The following RNF144A variants were observed in gnomAD, a reference collection of about 807,000 sequenced individuals.
RNF144A encodes the protein ring finger protein 144A.
RNF144A carries 11 observed loss-of-function variants against 38.7 expected under a neutral mutation model. The observed-to-expected ratio is 0.28, with a 90% confidence interval of 0.18 to 0.47. The LOEUF (loss-of-function observed/expected upper bound fraction) is 0.47. Among genes scored for constraint, RNF144A ranks in the 20% least tolerant of loss-of-function variants. RNF144A has a pLI of 0.99. For synonymous variants in RNF144A, 149 were observed against 143.9 expected (o/e 1.04, Z -0.25); for missense variants, 316 against 377.2 (o/e 0.84, Z 1.34).
chr2:6,938,639 T>C (rs569888965), intron 1 of RNF144A, among the ~76,000 whole-genome samples: 1 of 152,300 alleles, frequency 6.6e-6, no homozygotes, highest in East Asian at 1.9e-4. Flanking sequence ...TGGTTTTTAG[T>C]ATAGTCACAG....
At chr2:6,984,286 C>A (rs538134765) in intron 2 of RNF144A, among the ~76,000 whole-genome samples, 4 of 152,078 alleles carry the variant, frequency 2.6e-5, no homozygotes, top group Non-Finnish European at 5.9e-5. Context: ...CTGCCTGGAA[C>A]CAAGTTTCTT....
rs1459988166 is a variant in RNF144A at position 6,917,660 on chromosome 2, C to T, written c.-212+38C>T. ...GCGTCCCCTTTGTGTCCGCATCGCC[C>T]GGGCCGGCCGCGGAGCGGGGAGGGC... On this transcript the variant is annotated intron_variant, in intron 1 of 8. Transcript: ENST00000320892. The surrounding 1 kb of genome is among the most constrained non-coding windows in gnomAD (Gnocchi z 4.8). 1.4e-5 allele frequency: 2 copies of T among 147,676 alleles called. No homozygotes were observed. The highest frequency in any genetic ancestry group is 4.9e-5 in the African/African-American group (2 of 40,898). 9.1% of individuals were successfully genotyped at this position (147,676 alleles called of 1,614,324 possible).
chr2:7,007,165 C>T (rs905136187), intron 3 of RNF144A, among the ~76,000 whole-genome samples: 2 of 152,166 alleles, frequency 1.3e-5, no homozygotes, highest in African/African-American at 2.4e-5. Context: ...CTGTCTAGGA[C>T]CGACAGCAGG....
intron 3 of RNF144A, among the ~76,000 whole-genome samples, chr2:7,000,765 A>G (rs1291527460): frequency 6.6e-6 from 1 of 152,106 alleles, no homozygotes; most frequent in Non-Finnish European, 1.5e-5. Context: ...TTCTTAAAAA[A>G]AACAGTCTAA....
At position 6,984,792 on chromosome 2, in the gene RNF144A, A is replaced by G. The variant is rs149126517; in HGVS notation, c.-11-12124A>G. ...GAATATTCCCAGCCTTTAGGATTTA[A>G]TGTGGTCCTGACATGCAAGGGTGCC... On this transcript the variant is annotated intron_variant, in intron 2 of 8. Transcript: ENST00000320892. Among the ~76,000 whole-genome samples the G allele has an allele frequency of 3.7e-3, 565 of 152,306 alleles. 3 individuals carry two copies. Among genetic ancestry groups the G allele is most frequent in the Middle Eastern group, 6.8e-3 (2 of 294 alleles).
At chr2:7,035,758 G>A (rs750288535) in intron 8 of RNF144A, among the ~76,000 whole-genome samples, 32 of 152,280 alleles carry the variant, frequency 2.1e-4, no homozygotes, top group Middle Eastern at 3.4e-3. Context: ...GAATTCCAAC[G>A]TGTCTCTTTG....
At chr2:7,008,192 C>T (rs917549304) in intron 3 of RNF144A, among the ~76,000 whole-genome samples, 3 of 152,256 alleles carry the variant, frequency 2.0e-5, no homozygotes, top group African/African-American at 7.2e-5. Context: ...CTTTGGCTGC[C>T]GCCCAGACCT....
At position 6,958,022 on chromosome 2, in the gene RNF144A, G is replaced by A. The variant is rs922639590; in HGVS notation, c.-12+16875G>A. On this transcript the variant is annotated intron_variant, in intron 2 of 8. Coordinates refer to ENST00000320892, the MANE Select transcript of RNF144A (RefSeq NM_014746.6). This position sits in a 1 kb window ranked among gnomAD's most constrained non-coding sequence, Gnocchi z 4.5. ...TTAGGCAACGACAGAATGGGGTGGG[G>A]GAGTCGGGATGGAGCTCCAGGGAAG... 6.6e-6 allele frequency among the ~76,000 whole-genome samples: 1 copy of A among 152,220 alleles called. No homozygotes were observed. The highest frequency in any genetic ancestry group is 1.5e-5 in the Non-Finnish European group (1 of 68,036).
At chr2:6,960,157 A>C (rs1464476963) in intron 2 of RNF144A, among the ~76,000 whole-genome samples, 1 of 152,260 alleles carries the variant, frequency 6.6e-6, no homozygotes, top group African/African-American at 2.4e-5. Flanking sequence ...GTGGAGGAAA[A>C]GTAAACTGTG....
At chr2:6,988,302 A>G (rs902201392) in intron 2 of RNF144A, among the ~76,000 whole-genome samples, 2 of 152,204 alleles carry the variant, frequency 1.3e-5, no homozygotes, top group Non-Finnish European at 1.5e-5. Flanking sequence ...TTACATGCTT[A>G]TCAACTCAGG....
At chr2:6,969,656 G>T (rs1467288840) in intron 2 of RNF144A, among the ~76,000 whole-genome samples, 1 of 152,250 alleles carries the variant, frequency 6.6e-6, no homozygotes, top group Admixed American at 6.5e-5. Flanking sequence ...GAAACGTTGA[G>T]TGCTGACAAT....
At chr2:7,031,866 G>A (rs1672327524) in intron 8 of RNF144A, among the ~76,000 whole-genome samples, 1 of 152,254 alleles carries the variant, frequency 6.6e-6, no homozygotes, top group Non-Finnish European at 1.5e-5. Context: ...ACTCCACCTG[G>A]CGGCACAGAA....
downstream of RNF144A, among the ~76,000 whole-genome samples, chr2:7,070,558 T>C (rs376997263): frequency 6.8e-4 from 104 of 152,212 alleles, 1 homozygote; most frequent in African/African-American, 2.3e-3. Context: ...TAACCTTATT[T>C]GGAAATAGAG....
chr2:6,984,938 A>T (rs1668855659), intron 2 of RNF144A, among the ~76,000 whole-genome samples: 1 of 152,104 alleles, frequency 6.6e-6, no homozygotes, highest in African/African-American at 2.4e-5. Context: ...TGCCTCCCTC[A>T]CTGGAAATGT....
chr2:6,953,945 T>C (rs1057359982), intron 2 of RNF144A, among the ~76,000 whole-genome samples: 2 of 152,172 alleles, frequency 1.3e-5, no homozygotes, highest in African/African-American at 4.8e-5. Flanking sequence ...AATTTATGGA[T>C]TCTTAATGAA....
chr2:6,923,199 G>A, intron 1 of RNF144A, among the ~76,000 whole-genome samples: 1 of 152,220 alleles, frequency 6.6e-6, no homozygotes, highest in Non-Finnish European at 1.5e-5. Context: ...TTGGGTGGTA[G>A]GAAGTGTTCC....
intron 8 of RNF144A, among the ~76,000 whole-genome samples, chr2:7,036,520 C>T (rs996397949): frequency 6.6e-6 from 1 of 152,326 alleles, no homozygotes; most frequent in East Asian, 1.9e-4. Flanking sequence ...GGGTATTTCT[C>T]ACTGAGATCA....
At chr2:7,031,098 C>T (rs1226358249) in intron 8 of RNF144A, among the ~76,000 whole-genome samples, 3 of 152,082 alleles carry the variant, frequency 2.0e-5, no homozygotes, top group Non-Finnish European at 1.5e-5. Context: ...CTTCCCCCAC[C>T]CCCACCACTC....
intron 2 of RNF144A, among the ~76,000 whole-genome samples, chr2:6,969,850 T>C (rs112130473): frequency 0.023 from 3,550 of 152,240 alleles, 58 homozygotes; most frequent in Non-Finnish European, 0.034. Flanking sequence ...CAAACTCTGC[T>C]TCCCGGGTTC....
Sources: gnomAD v4.1 joint callset for allele counts (sites outside exome capture counted in the v4.1 genomes callset) on GRCh38, gnomAD v4.1.1 for gene constraint, Gnocchi (gnomAD v3.1) non-coding constraint, MANE v1.5 for transcripts, NCBI Gene and HGNC (gene_info 2026-07-23, HGNC 2026-07-21) for gene names.